RABGAP1L: variants seen among roughly 807,000 people sequenced by gnomAD.
RABGAP1L encodes the protein rab GTPase-activating protein 1-like.
Under a neutral mutation model 137.7 loss-of-function variants are expected in RABGAP1L, and 63 were observed. The observed-to-expected ratio is 0.46, with a 90% CI of 0.37 to 0.56. The LOEUF (loss-of-function observed/expected upper bound fraction) is 0.56, where lower values mean the gene tolerates loss of function less well. RABGAP1L is among the 20% of genes least tolerant of loss of function. The pLI is 0.00. For missense variants in RABGAP1L, 1,095 were observed against 1,244.0 expected, an observed-to-expected ratio of 0.88 and a Z score of 1.80; for synonymous variants, 431 against 433.7, an observed-to-expected ratio of 0.99 and a Z score of 0.08.
chr1:174,490,467 T>C (rs1572031434), intron 13 of RABGAP1L, among the ~76,000 whole-genome samples: 1 of 152,300 alleles, frequency 6.6e-6, no homozygotes, highest in Admixed American at 6.5e-5. Context: ...CCTGGAGCTG[T>C]GGGTTGATAC....
At chr1:174,218,824 G>T (rs942960787) in intron 1 of RABGAP1L, among the ~76,000 whole-genome samples, 5 of 152,078 alleles carry the variant, frequency 3.3e-5, no homozygotes, top group Non-Finnish European at 4.4e-5. Flanking sequence ...ATTTCTAAGA[G>T]AAATGAGAGT....
chr1:174,418,217 A>T (rs1389932083), intron 13 of RABGAP1L, among the ~76,000 whole-genome samples: 1 of 152,200 alleles, frequency 6.6e-6, no homozygotes, highest in African/African-American at 2.4e-5. Context: ...TGCTGAACTG[A>T]TTCTAGTTTG....
At chr1:174,781,863 A>T (rs1687039666) in intron 18 of RABGAP1L, among the ~76,000 whole-genome samples, 1 of 152,140 alleles carries the variant, frequency 6.6e-6, no homozygotes, top group Non-Finnish European at 1.5e-5. Context: ...TTTGTCAAAG[A>T]TCAGATGGTT....
intron 10 of RABGAP1L, among the ~76,000 whole-genome samples, chr1:174,297,643 T>A (rs1462630167): frequency 6.6e-6 from 1 of 152,086 alleles, no homozygotes; most frequent in African/African-American, 2.4e-5. Context: ...GGGTGCTGTT[T>A]TGGGGGAAAT....
At chr1:174,527,901 C>CTTTTTTTTTTT (rs57707616) in intron 13 of RABGAP1L, among the ~76,000 whole-genome samples, 3 of 124,848 alleles carry the variant, frequency 2.4e-5, no homozygotes, top group Non-Finnish European at 1.6e-5. Context: ...ATATACTTGT[C>CTTTTTTTTTTT]TTTTTTTTTT....
At chr1:174,376,933 TTGTC>T (rs1022219455) in intron 12 of RABGAP1L, among the ~76,000 whole-genome samples, 26 of 152,284 alleles carry the variant, frequency 1.7e-4, no homozygotes, top group African/African-American at 5.3e-4. Flanking sequence ...AGAGATGTGA[TTGTC>T]TGTGTAGAAA....
At chr1:174,544,355 A>G (rs1021806783) in intron 13 of RABGAP1L, among the ~76,000 whole-genome samples, 22 of 152,166 alleles carry the variant, frequency 1.4e-4, no homozygotes, top group African/African-American at 2.4e-4. Context: ...TTGATCTTCA[A>G]TCACTGATAC....
intron 19 of RABGAP1L, among the ~76,000 whole-genome samples, chr1:174,841,283 T>A (rs1017460449): frequency 3.9e-5 from 6 of 152,188 alleles, no homozygotes; most frequent in Non-Finnish European, 8.8e-5. Context: ...TACAGCATTC[T>A]GTGATCTCAT....
chr1:174,543,986 C>A (rs1187742154), intron 13 of RABGAP1L, among the ~76,000 whole-genome samples: 1 of 152,190 alleles, frequency 6.6e-6, no homozygotes, highest in African/African-American at 2.4e-5. Context: ...ATAGGCTTCC[C>A]TTTGTGGGTA....
intron 1 of RABGAP1L, among the ~76,000 whole-genome samples, chr1:174,196,349 G>T (rs1424758873): frequency 2.0e-5 from 3 of 150,534 alleles, no homozygotes; most frequent in African/African-American, 4.9e-5. Flanking sequence ...TCAGCCTTCC[G>T]AGCAGCTGGG....
chr1:174,619,115 AG>A (rs2148258107), intron 13 of RABGAP1L, among the ~76,000 whole-genome samples: 1 of 152,290 alleles, frequency 6.6e-6, no homozygotes, highest in African/African-American at 2.4e-5. Context: ...AAATGAACAA[AG>A]CCTCCAAGAA....
In RABGAP1L at chr1:174,436,145, A is replaced by T. The variant is rs191833708; in HGVS notation, c.1710+42000A>T. 5.6e-3 allele frequency among the ~76,000 whole-genome samples: 847 copies of T among 152,258 alleles called. 4 individuals carry two copies. Among genetic ancestry groups the T allele is most frequent in the South Asian group, 0.01 (50 of 4,828 alleles). Reference sequence around the variant, plus strand: ...GTGCATGTGTCTTTATAGCAGCATGATTTATAATCCTTTGGGTATATACCC... The same window carrying T: ...GTGCATGTGTCTTTATAGCAGCATGTTTTATAATCCTTTGGGTATATACCC... On this transcript the variant is annotated intron_variant, in intron 13 of 25. Coordinates refer to ENST00000681986, the MANE Select transcript of RABGAP1L (RefSeq NM_001366446.1).
chr1:174,706,213 A>T (rs921981015), intron 17 of RABGAP1L, among the ~76,000 whole-genome samples: 1 of 152,196 alleles, frequency 6.6e-6, no homozygotes, highest in African/African-American at 2.4e-5. Context: ...AGAATTTTAT[A>T]GACCTTGACA....
At chr1:174,205,889 G>A (rs1157595107) in intron 1 of RABGAP1L, among the ~76,000 whole-genome samples, 2 of 152,128 alleles carry the variant, frequency 1.3e-5, no homozygotes, top group Admixed American at 6.6e-5. Context: ...ATAATTTGTT[G>A]AAAGGAATAT....
chr1:174,399,764 A>G (rs1031262731), intron 13 of RABGAP1L, among the ~76,000 whole-genome samples: 2 of 152,136 alleles, frequency 1.3e-5, no homozygotes, highest in Non-Finnish European at 1.5e-5. Flanking sequence ...GAGAAGAATG[A>G]GCAGGGGAAA....
intron 1 of RABGAP1L, among the ~76,000 whole-genome samples, chr1:174,190,411 A>T (rs1157050758): frequency 6.6e-6 from 1 of 150,406 alleles, no homozygotes; most frequent in Non-Finnish European, 1.5e-5. Context: ...ATTTTTTTTT[A>T]TAAATTACCA....
intron 13 of RABGAP1L, among the ~76,000 whole-genome samples, chr1:174,581,944 A>T (rs892931654): frequency 2.0e-5 from 3 of 152,206 alleles, no homozygotes. Flanking sequence ...GAATGGTGCC[A>T]TTACCACAGT....
At chr1:174,583,106 A>C (rs1052255669) in intron 13 of RABGAP1L, among the ~76,000 whole-genome samples, 2 of 152,196 alleles carry the variant, frequency 1.3e-5, no homozygotes, top group African/African-American at 4.8e-5. Flanking sequence ...AGAAACAGTC[A>C]TTAAGGAAAA....
intron 11 of RABGAP1L, among the ~76,000 whole-genome samples, chr1:174,347,495 G>GTT (rs1320261976): frequency 5.8e-4 from 56 of 96,444 alleles, no homozygotes; most frequent in African/African-American, 3.0e-3. Flanking sequence ...GTGTGTGTGT[G>GTT]TGTGTTTTTT....
Sources: allele counts gnomAD v4.1 joint callset (sites outside exome capture counted in the v4.1 genomes callset), GRCh38; gene constraint gnomAD v4.1.1; transcripts MANE v1.5; gene names NCBI Gene and HGNC (gene_info 2026-07-23, HGNC 2026-07-21).